Variants in RBFOX2 observed in about 807,000 individuals in gnomAD.
The protein encoded by RBFOX2 is RNA binding fox-1 homolog 2.
Under a neutral mutation model 49.1 loss-of-function variants are expected in RBFOX2, and 10 were observed. The ratio of observed to expected loss-of-function variants is 0.20; its 90% CI spans 0.13 to 0.35. The LOEUF (loss-of-function observed/expected upper bound fraction) is 0.35, where lower values mean the gene tolerates loss of function less well. RBFOX2 is among the 10% of genes least tolerant of loss of function. The pLI, the probability that RBFOX2 is intolerant of heterozygous loss-of-function variation, is 1.00. For synonymous variants in RBFOX2, 183 were observed against 187.4 expected, an observed-to-expected ratio of 0.98 and a Z score of 0.19; for missense variants, 323 against 486.9, an observed-to-expected ratio of 0.66 and a Z score of 3.17.
intron 2 of RBFOX2, among the ~76,000 whole-genome samples, chr22:35,791,534 A>T (rs566753706): frequency 3.3e-4 from 51 of 152,350 alleles, no homozygotes; most frequent in African/African-American, 1.2e-3. Context: ...ATGTGATTGG[A>T]ACTCTTATGA....
intron 1 of RBFOX2, chr22:35,996,691 A>G (rs774982478): frequency 6.6e-6 from 1 of 152,212 alleles, no homozygotes; most frequent in Non-Finnish European, 1.5e-5. Context: ...AGCTCTTAAA[A>G]AGAGAAAAAA....
chr22:36,022,197 G>A (rs2059270692), intron 1 of RBFOX2, among the ~76,000 whole-genome samples: 1 of 152,218 alleles, frequency 6.6e-6, no homozygotes, highest in South Asian at 2.1e-4. Context: ...CTGAAGGCCT[G>A]AGAGATGTTA....
At chr22:35,895,406 C>A (rs571998105) in intron 1 of RBFOX2, among the ~76,000 whole-genome samples, 3 of 152,276 alleles carry the variant, frequency 2.0e-5, no homozygotes, top group African/African-American at 2.4e-5. Context: ...AATTGTGGAG[C>A]CCCTTGCAGA....
Position 35,759,092 on chromosome 22 carries a change from A to C in RBFOX2, c.887+796T>G, listed in dbSNP as rs530196375. The stretch of plus-strand genomic sequence containing the variant: ...TGACTCATGAAAGACCACTCTATAA[A>C]AATTTGCATTTTAGGCTGACACTGA... On this transcript the variant is annotated intron_variant, in intron 9 of 11. Coordinates refer to ENST00000405409, the Ensembl canonical transcript of RBFOX2. This position sits in a 1 kb window ranked among gnomAD's most constrained non-coding sequence, Gnocchi z 4.6. 1.3e-5 allele frequency among the ~76,000 whole-genome samples: 2 copies of C among 152,156 alleles called. No homozygotes were observed. Among genetic ancestry groups the C allele is most frequent in the Non-Finnish European group, 2.9e-5 (2 of 68,026 alleles).
exon 1 of RBFOX2, among the ~76,000 whole-genome samples, chr22:36,028,604 G>C (rs866753141): frequency 1.0e-4 from 15 of 149,366 alleles, no homozygotes; most frequent in Middle Eastern, 3.4e-3. Context: ...GCCGCTCCTT[G>C]CCTGACCGCT....
At chr22:35,943,930 T>C (rs535088727) in intron 1 of RBFOX2, among the ~76,000 whole-genome samples, 40 of 152,348 alleles carry the variant, frequency 2.6e-4, no homozygotes, top group Admixed American at 8.5e-4. Context: ...GCCAATGGAC[T>C]GTGAATGTAC....
intron 1 of RBFOX2, among the ~76,000 whole-genome samples, chr22:35,866,867 T>C (rs925780848): frequency 1.3e-5 from 2 of 152,172 alleles, no homozygotes; most frequent in Non-Finnish European, 2.9e-5. Context: ...ACTTCTACCC[T>C]GGCCAGGCTC....
At chr22:35,954,821 T>C (rs1379618123) in intron 1 of RBFOX2, among the ~76,000 whole-genome samples, 1 of 152,124 alleles carries the variant, frequency 6.6e-6, no homozygotes, top group Non-Finnish European at 1.5e-5. Context: ...AAATACAATA[T>C]GAACCATGTA....
chr22:35,861,596 T>C (rs1328446952), intron 1 of RBFOX2, among the ~76,000 whole-genome samples: 1 of 152,206 alleles, frequency 6.6e-6, no homozygotes, highest in Non-Finnish European at 1.5e-5. Context: ...CCTATTAGTA[T>C]GATATCACTA....
chr22:35,931,098 A>G (rs2052341743), intron 1 of RBFOX2, among the ~76,000 whole-genome samples: 1 of 152,214 alleles, frequency 6.6e-6, no homozygotes, highest in African/African-American at 2.4e-5. Flanking sequence ...ACACTACAGC[A>G]TATACCAGAC....
chr22:35,762,886 A>G (rs1939469537), intron 6 of RBFOX2, among the ~76,000 whole-genome samples: 1 of 152,228 alleles, frequency 6.6e-6, no homozygotes, highest in African/African-American at 2.4e-5. Flanking sequence ...GTGAAAACCT[A>G]TTCACTCTGA....
At chr22:36,007,251 T>C (rs1053814054) in intron 1 of RBFOX2, among the ~76,000 whole-genome samples, 16 of 151,740 alleles carry the variant, frequency 1.1e-4, no homozygotes, top group African/African-American at 3.4e-4. Context: ...ACATAGCTAA[T>C]ATACAAACAT....
intron 2 of RBFOX2, among the ~76,000 whole-genome samples, chr22:35,797,611 T>A (rs1949014048): frequency 6.6e-6 from 1 of 152,370 alleles, no homozygotes; most frequent in African/African-American, 2.4e-5. Flanking sequence ...CACAGTTTGG[T>A]GCCACGGCCT....
rs764357800 is a variant in RBFOX2 at position 35,755,521 on chromosome 22, G to A, written c.887+4367C>T. On this transcript the variant is annotated intron_variant, in intron 9 of 11. Coordinates refer to ENST00000405409, the Ensembl canonical transcript of RBFOX2. ...GGCTTTTAAGAACTAAATATCTGGC[G>A]TTTTCTCATTACTACACACTCTTTG... Among the ~76,000 whole-genome samples the A allele has an allele frequency of 1.1e-4, 17 of 152,146 alleles. No individual in the cohort carries two copies. In the Middle Eastern group the frequency reaches 0.01, roughly 92 times the overall value.
At chr22:35,806,445 T>C (rs944961012) in intron 2 of RBFOX2, among the ~76,000 whole-genome samples, 2 of 152,194 alleles carry the variant, frequency 1.3e-5, no homozygotes, top group African/African-American at 2.4e-5. Context: ...TAAGCTGCTA[T>C]ATTTAACCAG....
intron 1 of RBFOX2, among the ~76,000 whole-genome samples, chr22:35,928,762 A>G (rs1448278609): frequency 6.6e-6 from 1 of 152,210 alleles, no homozygotes; most frequent in Non-Finnish European, 1.5e-5. Flanking sequence ...AAGAAGAAAA[A>G]CCAAATAAAA....
intron 1 of RBFOX2, among the ~76,000 whole-genome samples, chr22:35,950,724 C>T (rs2054817530): frequency 6.6e-6 from 1 of 152,080 alleles, no homozygotes; most frequent in African/African-American, 2.4e-5. Flanking sequence ...TTCAGTCTCT[C>T]GGCCAGGAAG....
intron 1 of RBFOX2, among the ~76,000 whole-genome samples, chr22:35,839,178 T>C (rs989015979): frequency 9.2e-5 from 14 of 152,222 alleles, no homozygotes. Flanking sequence ...TGTAAATGAT[T>C]TCTCATTGAT....
chr22:35,754,717 T>A (rs1417775640), intron 9 of RBFOX2, among the ~76,000 whole-genome samples: 2 of 152,246 alleles, frequency 1.3e-5, no homozygotes, highest in Non-Finnish European at 2.9e-5. Context: ...TATCTTTCAT[T>A]ACTTGTTGAA....
Sources: gnomAD v4.1 joint callset for allele counts (sites outside exome capture counted in the v4.1 genomes callset) on GRCh38, gnomAD v4.1.1 for gene constraint, Gnocchi (gnomAD v3.1) non-coding constraint, MANE v1.5 for transcripts, NCBI Gene and HGNC (gene_info 2026-07-23, HGNC 2026-07-21) for gene names.